Variants in CACNG3 observed in about 807,000 individuals in gnomAD.
CACNG3 encodes the protein voltage-dependent calcium channel gamma-3 subunit.
CACNG3 carries 3 observed loss-of-function variants against 28.5 expected under a neutral mutation model. The observed-to-expected ratio is 0.11, with a 90% CI of 0.05 to 0.27. CACNG3 has a LOEUF of 0.27. CACNG3 is among the 10% of genes least tolerant of loss of function. The pLI is 1.00. For missense variants in CACNG3, 236 were observed against 414.4 expected, an observed-to-expected ratio of 0.57 and a Z score of 3.74; for synonymous variants, 174 against 162.2, an observed-to-expected ratio of 1.07 and a Z score of -0.55.
chr16:24,331,729 C>T (rs1218282167), intron 1 of CACNG3, among the ~76,000 whole-genome samples: 1 of 152,192 alleles, frequency 6.6e-6, no homozygotes, highest in Non-Finnish European at 1.5e-5. Context: ...CTTTCCCCCT[C>T]ACTCATTCTG....
intron 1 of CACNG3, among the ~76,000 whole-genome samples, chr16:24,297,817 G>C (rs1899052229): frequency 1.3e-5 from 2 of 152,010 alleles, no homozygotes; most frequent in African/African-American, 4.8e-5. Flanking sequence ...TCCTAGACGT[G>C]GTCAGCAAGA....
At chr16:24,276,851 G>A (rs190789005) in intron 1 of CACNG3, among the ~76,000 whole-genome samples, 1 of 152,338 alleles carries the variant, frequency 6.6e-6, no homozygotes, top group African/African-American at 2.4e-5. Context: ...CTTCATATGT[G>A]AGATGAAGCA....
chr16:24,352,091 T>C (rs569455809), intron 2 of CACNG3, among the ~76,000 whole-genome samples: 15 of 152,170 alleles, frequency 9.9e-5, no homozygotes, highest in Admixed American at 8.5e-4. Flanking sequence ...CAGGTCTCCC[T>C]CTTCATCCCT....
rs773149814 is a variant in CACNG3, at chr16:24,354,876, G to C, written c.339G>C (p.Thr113=). 7 of 1,612,292 alleles carry C rather than the reference G, an allele frequency of 4.3e-6. No individual in the cohort carries two copies. The South Asian group carries it at 6.6e-5, about 15-fold the overall frequency. The change falls in exon 3 of 4, where the codon ACG becomes ACC. Residue 113 remains threonine (T), a synonymous_variant. Coordinates refer to ENST00000005284, the MANE Select transcript of CACNG3 (RefSeq NM_006539.4). ...GTGTCTTCCCCATCCTCAGTGTCAC[G>C]CTGCTGTTCTTCGGCGGGCTCTGCG... The part of the protein sequence containing the change: ...ASSVFPILSV[T]LLFFGGLCVA...
At chr16:24,268,297 C>T (rs533977233) in intron 1 of CACNG3, among the ~76,000 whole-genome samples, 1 of 152,194 alleles carries the variant, frequency 6.6e-6, no homozygotes, top group Non-Finnish European at 1.5e-5. Flanking sequence ...GACAGAGGCT[C>T]AGAGAGGTAA....
At chr16:24,322,963 C>G (rs1452277109) in intron 1 of CACNG3, among the ~76,000 whole-genome samples, 1 of 152,072 alleles carries the variant, frequency 6.6e-6, no homozygotes, top group African/African-American at 2.4e-5. Context: ...TGGCAGCTCA[C>G]ACCTGTAATC....
chr16:24,347,113 G>T (rs1226740964), intron 2 of CACNG3, among the ~76,000 whole-genome samples: 1 of 152,104 alleles, frequency 6.6e-6, no homozygotes, highest in East Asian at 1.9e-4. Flanking sequence ...AGCTCAGGAG[G>T]TCGAGATCAG....
intron 1 of CACNG3, among the ~76,000 whole-genome samples, chr16:24,263,460 C>G (rs11640412): frequency 0.26 from 40,162 of 152,058 alleles, 5,507 homozygotes; most frequent in African/African-American, 0.3. Flanking sequence ...TTAAACAGAA[C>G]TGTAGAAAAC....
chr16:24,299,611 C>T (rs149738010), intron 1 of CACNG3, among the ~76,000 whole-genome samples: 2 of 152,154 alleles, frequency 1.3e-5, no homozygotes, highest in Non-Finnish European at 2.9e-5. Context: ...ATATAGCAAC[C>T]CATGTAAATA....
intron 1 of CACNG3, among the ~76,000 whole-genome samples, chr16:24,260,698 T>C (rs1260964916): frequency 6.6e-6 from 1 of 152,174 alleles, no homozygotes; most frequent in African/African-American, 2.4e-5. Context: ...CTGTGCAGCA[T>C]CAGCAGGGAT....
At chr16:24,278,402 G>T (rs1228160842) in intron 1 of CACNG3, among the ~76,000 whole-genome samples, 3 of 152,140 alleles carry the variant, frequency 2.0e-5, no homozygotes, top group Admixed American at 2.0e-4. Flanking sequence ...TGGATTACAA[G>T]GTCAAGAGAT....
chr16:24,286,773 C>T (rs922219606), intron 1 of CACNG3, among the ~76,000 whole-genome samples: 21 of 152,162 alleles, frequency 1.4e-4, no homozygotes, highest in Admixed American at 9.8e-4. Context: ...CTCAAAGTGA[C>T]GCAACTGGTA....
In CACNG3 at chr16:24,361,881, GC is replaced by G. The variant is rs1900107631; in HGVS notation, c.*22del. The G allele has an allele frequency of 5.0e-6, 8 of 1,585,124 alleles. No homozygotes were observed. The highest frequency in any genetic ancestry group is 6.0e-6 in the Non-Finnish European group (7 of 1,169,554). The stretch of plus-strand genomic sequence containing the variant: ...CCGTCTGAACTGACCTCTGACCTCT[GC>G]CCCACGCCCAGCACAGCCTTGGGGG... On this transcript the variant is annotated 3_prime_UTR_variant, in exon 4 of 4. Coordinates refer to ENST00000005284, the MANE Select transcript of CACNG3 (RefSeq NM_006539.4). The surrounding 1 kb of genome is among the most constrained non-coding windows in gnomAD (Gnocchi z 6.8).
chr16:24,309,183 T>TA (rs1159163021), intron 1 of CACNG3, among the ~76,000 whole-genome samples: 1 of 152,216 alleles, frequency 6.6e-6, no homozygotes, highest in Non-Finnish European at 1.5e-5. Flanking sequence ...AGATAAGGAC[T>TA]AATAAGTATG....
At chr16:24,354,362 A>G (rs1393237077) in intron 2 of CACNG3, among the ~76,000 whole-genome samples, 3 of 152,134 alleles carry the variant, frequency 2.0e-5, no homozygotes, top group African/African-American at 7.2e-5. Context: ...GCTTGCACCC[A>G]ACTCTGACTC....
chr16:24,337,735 C>T (rs2141376360), intron 1 of CACNG3, among the ~76,000 whole-genome samples: 1 of 152,058 alleles, frequency 6.6e-6, no homozygotes, highest in South Asian at 2.1e-4. Flanking sequence ...CCTCCCCATT[C>T]CTGCATGTTT....
rs548477161 is a variant in CACNG3, at chr16:24,337,653, A to T, written c.212-9081A>T. Among the ~76,000 whole-genome samples, 234 of 150,074 alleles carry T rather than the reference A, an allele frequency of 1.6e-3. 1 individual carries two copies. Among genetic ancestry groups the T allele is most frequent in the African/African-American group, 5.5e-3 (226 of 41,116 alleles). On this transcript the variant is annotated intron_variant, in intron 1 of 3. Coordinates refer to ENST00000005284, the MANE Select transcript of CACNG3 (RefSeq NM_006539.4). The stretch of plus-strand genomic sequence containing the variant: ...GCAATGTAGTGAGATCCCATTGTTA[A>T]TAATAATAATAATAATAATAATTTT...
intron 2 of CACNG3, among the ~76,000 whole-genome samples, chr16:24,353,867 G>A (rs780707897): frequency 7.2e-5 from 11 of 152,140 alleles, no homozygotes; most frequent in Non-Finnish European, 1.2e-4. Context: ...GGCTGGCTGC[G>A]TCATTTGCAG....
At chr16:24,298,211 G>C (rs749066434) in intron 1 of CACNG3, among the ~76,000 whole-genome samples, 10 of 152,190 alleles carry the variant, frequency 6.6e-5, no homozygotes, top group Middle Eastern at 3.4e-3. Context: ...CCAAAATGGG[G>C]TGATATTCTA....
Sources: allele counts gnomAD v4.1 joint callset (sites outside exome capture counted in the v4.1 genomes callset), GRCh38; gene constraint gnomAD v4.1.1; non-coding constraint Gnocchi (gnomAD v3.1); transcripts MANE v1.5; gene names NCBI Gene and HGNC (gene_info 2026-07-23, HGNC 2026-07-21).